Variants in RPTOR observed in about 807,000 individuals in gnomAD.
The protein encoded by RPTOR is regulatory associated protein of MTOR complex 1.
Under a neutral mutation model 169.9 loss-of-function variants are expected in RPTOR, and 21 were observed. That is an observed-to-expected ratio of 0.12 (90% CI 0.09 to 0.18). The LOEUF is 0.18. RPTOR is among the 10% of genes least tolerant of loss of function. The pLI is 1.00. For synonymous variants in RPTOR, 732 were observed against 753.2 expected (o/e 0.97, Z 0.46); for missense variants, 1,133 against 1,855.9 (o/e 0.61, Z 7.16).
At chr17:80,780,440 C>T (rs1047453223) in intron 6 of RPTOR, among the ~76,000 whole-genome samples, 6 of 152,036 alleles carry the variant, frequency 3.9e-5, no homozygotes, top group African/African-American at 1.2e-4. Context: ...ACTGGATAGA[C>T]GGTGGTTTGT....
At chr17:80,760,331 T>C (rs2066723822) in intron 6 of RPTOR, among the ~76,000 whole-genome samples, 1 of 121,134 alleles carries the variant, frequency 8.3e-6, no homozygotes. Context: ...TGAGACCGAG[T>C]CTCACTGTTG....
chr17:80,555,418 C>A (rs755647594), intron 1 of RPTOR, among the ~76,000 whole-genome samples: 1 of 152,102 alleles, frequency 6.6e-6, no homozygotes, highest in Non-Finnish European at 1.5e-5. Context: ...GATGCACCAC[C>A]GCCCACCCAG....
At chr17:80,752,739 A>G (rs916085804) in intron 5 of RPTOR, among the ~76,000 whole-genome samples, 1 of 152,194 alleles carries the variant, frequency 6.6e-6, no homozygotes, top group Admixed American at 6.5e-5. Context: ...TAAAACAGGA[A>G]CCCACCTGGT....
intron 2 of RPTOR, among the ~76,000 whole-genome samples, chr17:80,638,850 C>A (rs1293610721): frequency 6.6e-6 from 1 of 152,198 alleles, no homozygotes; most frequent in Non-Finnish European, 1.5e-5. Flanking sequence ...AACACAGGAA[C>A]GTAATTTTGT....
At chr17:80,855,847 C>A (rs1328049807) in intron 12 of RPTOR, among the ~76,000 whole-genome samples, 1 of 152,280 alleles carries the variant, frequency 6.6e-6, no homozygotes, top group South Asian at 2.1e-4. Flanking sequence ...TCCTGAGCCG[C>A]CCCCAGCGCT....
intron 3 of RPTOR, among the ~76,000 whole-genome samples, chr17:80,670,789 A>G (rs1425422425): frequency 6.6e-6 from 1 of 152,060 alleles, no homozygotes; most frequent in Non-Finnish European, 1.5e-5. Context: ...CTTGATAATC[A>G]GCCCCCCAAC....
At chr17:80,879,203 G>A (rs1235924963) in intron 13 of RPTOR, among the ~76,000 whole-genome samples, 1 of 151,970 alleles carries the variant, frequency 6.6e-6, no homozygotes, top group Non-Finnish European at 1.5e-5. Context: ...CCCTCCACTT[G>A]GATCCTCGCA....
At chr17:80,841,435 C>G (rs375601846) in intron 10 of RPTOR, among the ~76,000 whole-genome samples, 62 of 136,440 alleles carry the variant, frequency 4.5e-4, no homozygotes, top group South Asian at 4.1e-3. Context: ...GCAGCTCACA[C>G]TCACCACACG....
intron 9 of RPTOR, among the ~76,000 whole-genome samples, chr17:80,833,121 C>G (rs2067524945): frequency 6.6e-6 from 1 of 151,982 alleles, no homozygotes; most frequent in Admixed American, 6.5e-5. Flanking sequence ...CGGGCGCGCT[C>G]TGACTGATCA....
rs1022831093 is a variant in RPTOR at position 80,730,426 on chromosome 17, T to A, written c.508-134T>A. 1 of 949,216 alleles carries A rather than the reference T, an allele frequency of 1.1e-6. No homozygotes were observed. The highest frequency in any genetic ancestry group is 1.6e-5 in the African/African-American group (1 of 61,070). The allele number at this position is 949,216 out of a possible 1,614,324, so 58.8% of individuals were successfully genotyped here. A position where few individuals can be genotyped will look rare whatever the true frequency, so the allele number is the denominator to read the frequency against. ...GGCCAGTTTGCTGTTTTTTATAGTT[T>A]TGTATAAAGGCTAACTCAGCGTCTC... On this transcript the variant is annotated intron_variant, in intron 4 of 33. Transcript: ENST00000306801. This position sits in a 1 kb window ranked among gnomAD's most constrained non-coding sequence, Gnocchi z 4.2.
At chr17:80,770,755 C>G (rs2066834613) in intron 6 of RPTOR, among the ~76,000 whole-genome samples, 1 of 152,214 alleles carries the variant, frequency 6.6e-6, no homozygotes, top group African/African-American at 2.4e-5. Flanking sequence ...TTCACTTTTG[C>G]TGTCCGCAAG....
At chr17:80,768,654 A>G (rs9891139) in intron 6 of RPTOR, among the ~76,000 whole-genome samples, 41,641 of 151,710 alleles carry the variant, frequency 0.27, 5,878 homozygotes, top group African/African-American at 0.33. Context: ...CATCATCACT[A>G]TGTTCCAGAT....
At chr17:80,688,284 C>G (rs897475329) in intron 3 of RPTOR, among the ~76,000 whole-genome samples, 12 of 152,206 alleles carry the variant, frequency 7.9e-5, no homozygotes, top group African/African-American at 2.7e-4. Context: ...CCCAAACACA[C>G]ACAATTTTAT....
intron 10 of RPTOR, among the ~76,000 whole-genome samples, chr17:80,838,890 G>A (rs931256964): frequency 4.6e-5 from 7 of 152,228 alleles, no homozygotes; most frequent in Admixed American, 6.5e-5. Context: ...AGGGGTGCTG[G>A]AAGGACAAAG....
At chr17:80,737,655 G>C (rs1448661987) in intron 5 of RPTOR, among the ~76,000 whole-genome samples, 1 of 152,188 alleles carries the variant, frequency 6.6e-6, no homozygotes, top group African/African-American at 2.4e-5. Context: ...GCCAAAGTCA[G>C]TTTTGCGTAC....
rs7501689 is a variant in RPTOR, at chr17:80,937,000, T to C, written c.2920-3496T>C. ...CGCACACCACTACCTCTTCCGCCTC[T>C]TCCTCTGCTGCCTCTGTCCACGGAG... is the stretch of plus-strand genomic sequence containing the variant. On this transcript the variant is annotated intron_variant, in intron 24 of 33. Coordinates refer to ENST00000306801, the MANE Select transcript of RPTOR (RefSeq NM_020761.3). The surrounding 1 kb of genome is among the most constrained non-coding windows in gnomAD (Gnocchi z 4.1). 0.92 allele frequency among the ~76,000 whole-genome samples: 139,810 copies of C among 152,254 alleles called. 64,373 individuals are homozygous for C. Among genetic ancestry groups the C allele is most frequent in the African/African-American group, 0.96 (39,954 of 41,556 alleles).
chr17:80,791,598 C>G, intron 7 of RPTOR, 89 bp downstream of exon 7: 1 of 1,121,534 alleles, frequency 8.9e-7, no homozygotes, highest in Non-Finnish European at 1.3e-6. Context: ...GAAGTACTTT[C>G]TATCAACATG....
chr17:80,701,707 A>G (rs972047327), intron 3 of RPTOR, among the ~76,000 whole-genome samples: 10 of 152,192 alleles, frequency 6.6e-5, no homozygotes, highest in Admixed American at 3.3e-4. Context: ...ATTCATTGCT[A>G]TAGGATGGGA....
At chr17:80,834,943 A>C (rs574082523) in intron 9 of RPTOR, among the ~76,000 whole-genome samples, 1 of 152,342 alleles carries the variant, frequency 6.6e-6, no homozygotes, top group South Asian at 2.1e-4. Flanking sequence ...TTTTTATTTG[A>C]TTAAATTCGA....
Sources: gnomAD v4.1 joint callset for allele counts (sites outside exome capture counted in the v4.1 genomes callset) on GRCh38, gnomAD v4.1.1 for gene constraint, Gnocchi (gnomAD v3.1) non-coding constraint, MANE v1.5 for transcripts, NCBI Gene and HGNC (gene_info 2026-07-23, HGNC 2026-07-21) for gene names.